TSPAN8: variants seen among roughly 807,000 people sequenced by gnomAD.
TSPAN8 encodes tetraspanin 8.
In TSPAN8, 21 loss-of-function variants were observed where a neutral mutation model predicts 32.8. The observed-to-expected ratio is 0.64, with a 90% CI of 0.45 to 0.92. The LOEUF is 0.92. Among genes scored for constraint, TSPAN8 ranks in the 40% least tolerant of loss-of-function variants. The probability of loss-of-function intolerance (pLI) is 0.00; values close to 1 mark genes in which losing one functional copy is unlikely to be tolerated. For missense variants in TSPAN8, 269 were observed against 281.9 expected, an observed-to-expected ratio of 0.95 and a Z score of 0.33; for synonymous variants, 95 against 94.6, an observed-to-expected ratio of 1.00 and a Z score of -0.03.
In TSPAN8 at chr12:71,138,024, T is replaced by C. The variant is rs765333482; in HGVS notation, c.373A>G (p.Thr125Ala). Residue 125 changes from threonine (T) to alanine (A), a missense_variant, in exon 6 of 9, where the codon ACA becomes GCA. Physicochemically the swap from Thr to Ala is moderately conservative, Grantham distance 58 (BLOSUM62 0). Coordinates refer to ENST00000247829, the MANE Select transcript of TSPAN8 (RefSeq NM_004616.3). ...RIVNETLYEN[T>A]KLLSATGESE... ...TCCCCTGTGGCGCTCAAAAGCTTTG[T>C]GTTTTCATAGAGAGTTTCATTCACA... 7.4e-6 allele frequency: 12 copies of C among 1,614,068 alleles called. No homozygotes were observed. The highest frequency in any genetic ancestry group is 1.0e-5 in the Non-Finnish European group (12 of 1,180,012).
chr12:71,134,464 C>G (rs1020085731), intron 6 of TSPAN8, among the ~76,000 whole-genome samples: 10 of 152,252 alleles, frequency 6.6e-5, no homozygotes, highest in African/African-American at 2.4e-4. Flanking sequence ...TCAACTGAGG[C>G]AGATACGAAG....
chr12:71,152,482 A>G (rs3851618), intron 2 of TSPAN8, among the ~76,000 whole-genome samples: 53,029 of 152,054 alleles, frequency 0.35, 9,795 homozygotes, highest in Non-Finnish European at 0.4. Context: ...ACTTCTTTAT[A>G]TATATTAACT....
chr12:71,156,674 G>A (rs1180827596), intron 2 of TSPAN8, among the ~76,000 whole-genome samples: 2 of 152,058 alleles, frequency 1.3e-5, no homozygotes. Context: ...GCAACACATA[G>A]GTATGAGATG....
chr12:71,139,812 C>T lies in TSPAN8; in HGVS notation c.160G>A (p.Val54Ile), dbSNP rs76495455. 2.5e-3 allele frequency: 3,986 copies of T among 1,613,540 alleles called. 102 individuals carry two copies. The African/African-American group carries it at 0.046, about 18-fold the overall frequency. Residue 54 changes from valine to isoleucine, a missense_variant, in exon 4 of 9, where the codon GTT (valine) becomes ATT (isoleucine). By Grantham distance (29) the Val-to-Ile change is conservative. Coordinates refer to ENST00000247829, the MANE Select transcript of TSPAN8 (RefSeq NM_004616.3). Reference sequence around the variant, plus strand: ...ACAGCAATCAATATGTCCACAGCAACGTAGGAGCTAGAGCCTACATCTTCA... The same window carrying T: ...ACAGCAATCAATATGTCCACAGCAATGTAGGAGCTAGAGCCTACATCTTCA... ...GSEDVGSSSY[V>I]AVDILIAVGA...
chr12:71,153,491 C>T (rs1241765905), intron 2 of TSPAN8, among the ~76,000 whole-genome samples: 1 of 152,172 alleles, frequency 6.6e-6, no homozygotes, highest in Non-Finnish European at 1.5e-5. Context: ...ACATGCATAT[C>T]TAAGAGATAT....
intron 4 of TSPAN8, chr12:71,139,003 G>A: frequency 5.7e-6 from 1 of 176,532 alleles, no homozygotes; most frequent in Non-Finnish European, 1.2e-5. Context: ...ATTTTCTACT[G>A]TATATGTTAA....
chr12:71,135,230 AG>A (rs1218427528), intron 6 of TSPAN8, among the ~76,000 whole-genome samples: 6,030 of 57,574 alleles, frequency 0.1, 304 homozygotes, highest in East Asian at 0.45. Flanking sequence ...AGGAAGAAGA[AG>A]GAGGAGGAGG....
chr12:71,145,435 T>C (rs1872043553), intron 2 of TSPAN8, among the ~76,000 whole-genome samples: 1 of 152,054 alleles, frequency 6.6e-6, no homozygotes. Flanking sequence ...AAATAACTAA[T>C]GCAATTAAAA....
chr12:71,126,336 T>C (rs1470513115), intron 8 of TSPAN8, among the ~76,000 whole-genome samples: 1 of 152,228 alleles, frequency 6.6e-6, no homozygotes, highest in Non-Finnish European at 1.5e-5. Context: ...CAAAATGTGC[T>C]ACAATTGAAG....
At chr12:71,157,817 T>G in intron 1 of TSPAN8, 30 bp from the exon 2 acceptor site, 1 of 653,860 alleles carries the variant, frequency 1.5e-6, no homozygotes, top group Non-Finnish European at 2.7e-6. Context: ...AGCAAAGAAG[T>G]AGAGGGAGGA....
chr12:71,130,006 G>A (rs1486256109), intron 7 of TSPAN8, among the ~76,000 whole-genome samples: 2 of 148,450 alleles, frequency 1.3e-5, no homozygotes, highest in African/African-American at 5.0e-5. Context: ...AAGCTGGAGT[G>A]CAGAGGCGCA....
intron 4 of TSPAN8, chr12:71,139,416 CT>C: frequency 1.9e-6 from 1 of 536,718 alleles, no homozygotes; most frequent in Non-Finnish European, 3.3e-6. Context: ...TTCTAAAGGT[CT>C]TATGTATTAT....
chr12:71,143,257 A>C (rs923177316), intron 3 of TSPAN8, among the ~76,000 whole-genome samples: 1 of 152,194 alleles, frequency 6.6e-6, no homozygotes, highest in Non-Finnish European at 1.5e-5. Context: ...GAGAGAAAAG[A>C]ATAAAAGCAC....
intron 7 of TSPAN8, among the ~76,000 whole-genome samples, chr12:71,129,689 A>AT (rs1298833175): frequency 1.3e-5 from 2 of 152,046 alleles, no homozygotes; most frequent in Admixed American, 6.5e-5. Context: ...ACAAATAATA[A>AT]TTTTTCACCA....
At chr12:71,157,577 CCT>C in intron 2 of TSPAN8, 40 bp downstream of exon 2, 1 of 1,344,060 alleles carries the variant, frequency 7.4e-7, no homozygotes, top group Non-Finnish European at 1.1e-6. Context: ...ATCAAGATCC[CCT>C]TTCTTGCATA....
intron 2 of TSPAN8, among the ~76,000 whole-genome samples, chr12:71,147,143 G>A (rs1249134747): frequency 6.6e-6 from 1 of 151,656 alleles, no homozygotes; most frequent in African/African-American, 2.4e-5. Context: ...ACAGTATCTT[G>A]TTATGAGAGC....
At chr12:71,147,314 C>T (rs1243213689) in intron 2 of TSPAN8, among the ~76,000 whole-genome samples, 1 of 152,134 alleles carries the variant, frequency 6.6e-6, no homozygotes, top group Non-Finnish European at 1.5e-5. Flanking sequence ...CTTCTTCCCT[C>T]CAAATTGTAC....
chr12:71,127,769 T>C lies in TSPAN8; in HGVS notation c.660+1562A>G, dbSNP rs533319221. On this transcript the variant is annotated intron_variant, in intron 8 of 8. Coordinates refer to ENST00000247829, the MANE Select transcript of TSPAN8 (RefSeq NM_004616.3). ...GCCTTTGACTATGACACAAAGGATT[T>C]CATCAACCTCCCCAATCAAGTATGT... Among the ~76,000 whole-genome samples the C allele has an allele frequency of 2.6e-5, 4 of 152,340 alleles. No homozygotes were observed. In the South Asian group the frequency reaches 8.3e-4, roughly 32 times the overall value.
Position 71,149,701 on chromosome 12 carries a change from T to A in TSPAN8, c.61-5488A>T, listed in dbSNP as rs1388479622. On this transcript the variant is annotated intron_variant, in intron 2 of 8. Coordinates refer to ENST00000247829, the MANE Select transcript of TSPAN8 (RefSeq NM_004616.3). ...CACCTGTCTTACTTTAATCTCTTAA[T>A]CCTGTTATCTTCGTAAGCTGAGGAT... Among the ~76,000 whole-genome samples, 4 of 152,242 alleles carry A rather than the reference T, an allele frequency of 2.6e-5. No individual in the cohort carries two copies. In the East Asian group the frequency reaches 7.7e-4, roughly 29 times the overall value.
Sources: allele counts gnomAD v4.1 joint callset (sites outside exome capture counted in the v4.1 genomes callset), GRCh38; gene constraint gnomAD v4.1.1; transcripts MANE v1.5; gene names NCBI Gene and HGNC (gene_info 2026-07-23, HGNC 2026-07-21).